Variants in RGSL1 observed in about 807,000 individuals in gnomAD.
RGSL1 encodes regulator of G protein signaling protein-like.
RGSL1 carries 97 observed loss-of-function variants against 124.7 expected under a neutral mutation model. That is an observed-to-expected ratio of 0.78 (90% CI 0.66 to 0.92). The LOEUF (loss-of-function observed/expected upper bound fraction) is 0.92, where lower values mean the gene tolerates loss of function less well. RGSL1 is among the 40% of genes least tolerant of loss of function. The pLI is 0.00. For missense variants in RGSL1, 1,233 were observed against 1,288.4 expected (o/e 0.96, Z 0.66); for synonymous variants, 424 against 438.1 (o/e 0.97, Z 0.40).
At chr1:182,533,816 T>C (rs1189568030) in intron 14 of RGSL1, among the ~76,000 whole-genome samples, 1 of 152,202 alleles carries the variant, frequency 6.6e-6, no homozygotes, top group African/African-American at 2.4e-5. Context: ...GGAGATCCTA[T>C]TAGTCAAGGC....
intron 17 of RGSL1, chr1:182,550,374 C>T (rs1253114551): frequency 6.6e-6 from 1 of 152,154 alleles, no homozygotes; most frequent in Non-Finnish European, 1.5e-5. Context: ...TGAGATAGAA[C>T]AGACTGTCCC....
At chr1:182,480,304 G>A (rs1170737078) in intron 6 of RGSL1, among the ~76,000 whole-genome samples, 1 of 152,124 alleles carries the variant, frequency 6.6e-6, no homozygotes, top group African/African-American at 2.4e-5. Flanking sequence ...GGTGGCACAT[G>A]TTTGTAGTCC....
chr1:182,518,409 A>G (rs529776305), intron 9 of RGSL1, among the ~76,000 whole-genome samples: 41 of 152,258 alleles, frequency 2.7e-4, no homozygotes, highest in African/African-American at 8.9e-4. Context: ...GTTTGTGCCT[A>G]TGGGACCTGT....
intron 14 of RGSL1, among the ~76,000 whole-genome samples, chr1:182,538,229 G>A (rs139859186): frequency 9.9e-5 from 15 of 152,118 alleles, no homozygotes; most frequent in African/African-American, 2.2e-4. Context: ...TGGACGTTCC[G>A]ATAAAAAAGT....
At chr1:182,535,422 A>T (rs1659468591) in intron 14 of RGSL1, among the ~76,000 whole-genome samples, 1 of 152,180 alleles carries the variant, frequency 6.6e-6, no homozygotes, top group Admixed American at 6.5e-5. Flanking sequence ...GGAGTTTTAC[A>T]GCTTCCCTCC....
intron 9 of RGSL1, among the ~76,000 whole-genome samples, chr1:182,516,725 A>G (rs1007005118): frequency 6.6e-6 from 1 of 152,046 alleles, no homozygotes; most frequent in Non-Finnish European, 1.5e-5. Context: ...AAATATTTTT[A>G]AAAAATTTTT....
intron 17 of RGSL1, chr1:182,550,870 C>T (rs1310482416): frequency 7.7e-6 from 4 of 519,624 alleles, no homozygotes; most frequent in Non-Finnish European, 1.0e-5. Flanking sequence ...GAAAGAAGCC[C>T]CAACAAACTG....
At chr1:182,545,633 G>A (rs781601593) in intron 15 of RGSL1, among the ~76,000 whole-genome samples, 21 of 152,118 alleles carry the variant, frequency 1.4e-4, no homozygotes, top group Admixed American at 1.3e-3. Context: ...TCTAGGAAAG[G>A]CTCTCTCTCC....
intron 4 of RGSL1, chr1:182,471,468 G>A (rs1205376382): frequency 7.2e-6 from 3 of 417,432 alleles, no homozygotes; most frequent in Non-Finnish European, 1.4e-5. Flanking sequence ...TAACAATTAT[G>A]TGTGTCTGTG....
At chr1:182,472,581 TG>T (rs1558258123) in intron 5 of RGSL1, 24 bp downstream of exon 5, 2 of 1,495,980 alleles carry the variant, frequency 1.3e-6, no homozygotes, top group Non-Finnish European at 1.8e-6. Flanking sequence ...AGCATCTTTT[TG>T]GGGGGATGCA....
chr1:182,515,215 G>A (rs112502702), intron 9 of RGSL1, among the ~76,000 whole-genome samples: 1 of 152,156 alleles, frequency 6.6e-6, no homozygotes, highest in Non-Finnish European at 1.5e-5. Flanking sequence ...GCAACTTTGC[G>A]TTCCCTGGGC....
intron 5 of RGSL1, 53 bp from the exon 6 acceptor site, chr1:182,473,522 T>C (rs557621125): frequency 5.9e-5 from 86 of 1,467,940 alleles, no homozygotes; most frequent in Non-Finnish European, 7.7e-5. Context: ...AACACCATCA[T>C]CACTGCCATC....
chr1:182,497,335 TA>T (rs1656002813), intron 9 of RGSL1, among the ~76,000 whole-genome samples: 5 of 148,056 alleles, frequency 3.4e-5, no homozygotes, highest in African/African-American at 1.2e-4. Context: ...ATTATATATA[TA>T]TATTTTTATA....
intron 11 of RGSL1, among the ~76,000 whole-genome samples, chr1:182,528,946 G>A (rs891857854): frequency 2.6e-5 from 4 of 152,198 alleles, no homozygotes; most frequent in East Asian, 3.8e-4. Flanking sequence ...AGTGCCCAGC[G>A]AAGGGGGAAG....
rs749522221 is a variant in RGSL1, at chr1:182,489,175, G to A, written c.1690G>A (p.Glu564Lys). 1 of 1,551,752 alleles carries A rather than the reference G, an allele frequency of 6.4e-7. No homozygotes were observed. Among genetic ancestry groups the A allele is most frequent in the South Asian group, 1.2e-5 (1 of 84,060 alleles). ...DLKQGGSLQV[E>K]LTSPVFLTDI... is the part of the protein sequence containing the mutation. ...GAAGCAAGGAGGCTCTCTCCAGGTA[G>A]AGCTGACATCTCCAGTGTTTCTAAC... is the stretch of plus-strand genomic sequence containing the variant. Residue 564 changes from glutamate to lysine, a missense_variant, in exon 8 of 22, where the codon GAG becomes AAG. Physicochemically the swap from Glu to Lys is moderately conservative, Grantham distance 56. Coordinates refer to ENST00000294854, the MANE Select transcript of RGSL1 (RefSeq NM_001137669.2).
chr1:182,523,551 C>G (rs970534736), intron 10 of RGSL1, among the ~76,000 whole-genome samples: 1 of 152,126 alleles, frequency 6.6e-6, no homozygotes, highest in Admixed American at 6.5e-5. Flanking sequence ...ATGAATACCA[C>G]AGAAGTCTTA....
chr1:182,493,327 T>A (rs927152197), intron 9 of RGSL1, among the ~76,000 whole-genome samples, 198 bp downstream of exon 9: 1 of 152,200 alleles, frequency 6.6e-6, no homozygotes, highest in Non-Finnish European at 1.5e-5. Flanking sequence ...GAAAATAAGA[T>A]GTAATCATAA....
upstream of RGSL1, chr1:182,448,212 T>C (rs1165502020): frequency 6.5e-6 from 1 of 153,448 alleles, no homozygotes; most frequent in Non-Finnish European, 1.4e-5. Flanking sequence ...GTTTGTTTGT[T>C]TGTTTGTTTG....
intron 5 of RGSL1, 51 bp downstream of exon 5, chr1:182,472,608 C>G: frequency 6.8e-7 from 1 of 1,461,136 alleles, no homozygotes; most frequent in South Asian, 1.4e-5. Context: ...AAAGTAAATC[C>G]AGTGTCTGAT....
Sources: allele counts gnomAD v4.1 joint callset (sites outside exome capture counted in the v4.1 genomes callset), GRCh38; gene constraint gnomAD v4.1.1; transcripts MANE v1.5; gene names NCBI Gene and HGNC (gene_info 2026-07-23, HGNC 2026-07-21).